Variants in AEBP2 observed in about 807,000 individuals in gnomAD.
The protein encoded by AEBP2 is zinc finger protein AEBP2.
AEBP2 carries 10 observed loss-of-function variants against 50.8 expected under a neutral mutation model. The ratio of observed to expected loss-of-function variants is 0.20; its 90% CI spans 0.12 to 0.33. The LOEUF is 0.33. Ranked by LOEUF, AEBP2 falls within the 10% of genes least tolerant of loss-of-function variation. The pLI is 1.00. For missense variants in AEBP2, 570 were observed against 688.0 expected, an observed-to-expected ratio of 0.83 and a Z score of 1.92; for synonymous variants, 296 against 261.3, an observed-to-expected ratio of 1.13 and a Z score of -1.28.
At chr12:19,405,233 A>G (rs933856226) in intron 1 of AEBP2, among the ~76,000 whole-genome samples, 2 of 151,142 alleles carry the variant, frequency 1.3e-5, no homozygotes, top group South Asian at 2.1e-4. Flanking sequence ...CCAGTTGGCT[A>G]TCGTTTTAGG....
chr12:19,433,072 G>A, intron 1 of AEBP2, among the ~76,000 whole-genome samples: 1 of 152,024 alleles, frequency 6.6e-6, no homozygotes, highest in East Asian at 1.9e-4. Flanking sequence ...CTCAATTTGT[G>A]AAAGACCAGT....
chr12:19,488,323 T>C (rs1948844628), intron 3 of AEBP2, among the ~76,000 whole-genome samples: 1 of 151,090 alleles, frequency 6.6e-6, no homozygotes. Flanking sequence ...AGACAGGGTT[T>C]TGCCATGTTG....
intron 3 of AEBP2, among the ~76,000 whole-genome samples, chr12:19,491,990 AG>A (rs200222212): frequency 0.017 from 2,572 of 152,288 alleles, 75 homozygotes; most frequent in African/African-American, 0.058. Flanking sequence ...TGATTTTAGC[AG>A]CTTACAATTG....
chr12:19,511,484 G>A (rs182611836), intron 5 of AEBP2, among the ~76,000 whole-genome samples: 181 of 152,308 alleles, frequency 1.2e-3, no homozygotes, highest in African/African-American at 3.9e-3. Flanking sequence ...ACCATACTAA[G>A]AGTGACCCTT....
At chr12:19,487,210 A>C (rs1438920922) in intron 3 of AEBP2, among the ~76,000 whole-genome samples, 3 of 152,108 alleles carry the variant, frequency 2.0e-5, no homozygotes, top group African/African-American at 7.2e-5. Context: ...ACCTTCTCCT[A>C]GTCTTCGGTT....
chr12:19,496,659 T>A (rs1948986525), intron 4 of AEBP2, among the ~76,000 whole-genome samples: 1 of 151,778 alleles, frequency 6.6e-6, no homozygotes. Context: ...TGTTTTTTTT[T>A]TAACCTTTTT....
At position 19,440,219 on chromosome 12, in the gene AEBP2, G is replaced by C; in HGVS notation, c.520G>C (p.Gly174Arg). 6.8e-7 allele frequency: 1 copy of C among 1,466,636 alleles called. No individual in the cohort carries two copies. The highest frequency in any genetic ancestry group is 8.9e-7 in the Non-Finnish European group (1 of 1,122,252). 90.9% of individuals were successfully genotyped at this position (1,466,636 alleles called of 1,614,324 possible). Residue 174 changes from glycine (G) to arginine (R), a missense_variant, in exon 1 of 8, where the codon GGC (glycine) becomes CGC (arginine). Physicochemically the swap from Gly to Arg is moderately radical, Grantham distance 125. Around this residue, in one of 2 missense-constraint regions of AEBP2, gnomAD observed 386 missense variants for 336.8 expected, o/e 1.15. Coordinates refer to ENST00000266508, the MANE Select transcript of AEBP2 (RefSeq NM_153207.5). The part of the protein sequence containing the change: ...PRGSQGGGGG[G>R]SSSSSVVSSG... ...GGGCAGCCAGGGCGGCGGCGGGGGC[G>C]GCAGCAGTAGCAGCAGCGTAGTCTC...
chr12:19,438,521 A>T (rs932367537), upstream of AEBP2, among the ~76,000 whole-genome samples: 9 of 152,180 alleles, frequency 5.9e-5, no homozygotes, highest in African/African-American at 1.9e-4. Context: ...AGTCCACCCA[A>T]GTTCATTTCT....
At chr12:19,494,977 G>A (rs534515236) in intron 4 of AEBP2, among the ~76,000 whole-genome samples, 39 of 152,054 alleles carry the variant, frequency 2.6e-4, no homozygotes, top group African/African-American at 9.2e-4. Flanking sequence ...TGTGATCTCG[G>A]CTCACTGCAA....
intron 1 of AEBP2, among the ~76,000 whole-genome samples, chr12:19,432,551 C>T (rs550087961): frequency 1.6e-4 from 25 of 151,974 alleles, no homozygotes; most frequent in South Asian, 6.2e-4. Flanking sequence ...AAAATTAGCC[C>T]GGCATGATGG....
intron 1 of AEBP2, chr12:19,445,825 C>T (rs1948052157): frequency 1.3e-5 from 2 of 152,130 alleles, no homozygotes; most frequent in Non-Finnish European, 2.9e-5. Context: ...TAAAAGCCTT[C>T]ATATGAAACC....
At chr12:19,466,925 A>G (rs1948486739) in intron 2 of AEBP2, 2 of 542,800 alleles carry the variant, frequency 3.7e-6, no homozygotes, top group South Asian at 1.6e-4. Flanking sequence ...CCCTGGGGAG[A>G]AAAGCAAAAC....
intron 1 of AEBP2, chr12:19,440,690 C>G: frequency 3.9e-6 from 6 of 1,533,296 alleles, no homozygotes; most frequent in Non-Finnish European, 5.2e-6. Context: ...TCTGGCGGAG[C>G]AGAAGAGGGC....
intron 4 of AEBP2, among the ~76,000 whole-genome samples, chr12:19,494,212 C>T (rs1314407704): frequency 3.3e-5 from 5 of 152,104 alleles, no homozygotes; most frequent in Non-Finnish European, 7.4e-5. Context: ...GATTTGGGGG[C>T]TACTCTGATT....
chr12:19,473,338 G>T lies in AEBP2; in HGVS notation c.970G>T (p.Gly324Ter). 6.8e-7 allele frequency: 1 copy of T among 1,478,360 alleles called. No individual in the cohort carries two copies. The highest frequency in any genetic ancestry group is 2.6e-5 in the East Asian group (1 of 38,382). The allele number at this position is 1,478,360 out of a possible 1,614,324, so 91.6% of individuals were successfully genotyped here. ...ACAAAGGCATATGCTGACACACAGT[G>T]GAGACAAACCTTTCAAGGTAAGGAT... is the stretch of plus-strand genomic sequence containing the variant. ...WLQRHMLTHS[G>*]DKPFKCVVGG... Residue 324 changes from glycine (G) to a stop codon, truncating the protein, a stop_gained, in exon 3 of 8, where the codon GGA becomes TGA. Transcript: ENST00000266508. LOFTEE classifies it high-confidence loss of function.
At chr12:19,417,769 A>G (rs781774752) in intron 1 of AEBP2, among the ~76,000 whole-genome samples, 17 of 150,476 alleles carry the variant, frequency 1.1e-4, no homozygotes, top group Non-Finnish European at 1.6e-4. Context: ...CAGTGGCACG[A>G]TCTCGGCTCA....
chr12:19,479,717 G>A (rs372332141), intron 3 of AEBP2, among the ~76,000 whole-genome samples: 1 of 22,314 alleles, frequency 4.5e-5, no homozygotes, highest in African/African-American at 1.6e-4. Flanking sequence ...CTCTTTGTGG[G>A]TTTTTTTTTT....
At chr12:19,455,633 T>C (rs553136198) in intron 1 of AEBP2, among the ~76,000 whole-genome samples, 1 of 152,314 alleles carries the variant, frequency 6.6e-6, no homozygotes, top group African/African-American at 2.4e-5. Context: ...GTTCTGGATG[T>C]ATGAGTGAGA....
intron 1 of AEBP2, among the ~76,000 whole-genome samples, chr12:19,424,623 C>T (rs972767420): frequency 2.7e-5 from 4 of 150,778 alleles, no homozygotes; most frequent in Non-Finnish European, 4.4e-5. Context: ...GTCTCGATCT[C>T]CTGACCTCAT....
Sources: allele counts gnomAD v4.1 joint callset (sites outside exome capture counted in the v4.1 genomes callset), GRCh38; gene constraint gnomAD v4.1.1; regional missense constraint gnomAD v4.1.1; transcripts MANE v1.5; gene names NCBI Gene and HGNC (gene_info 2026-07-23, HGNC 2026-07-21).